The following SGCZ variants were observed in gnomAD, a reference collection of about 807,000 sequenced individuals.
SGCZ encodes zeta-sarcoglycan.
In SGCZ, 40 loss-of-function variants were observed where a neutral mutation model predicts 41.3. That is an observed-to-expected ratio of 0.97 (90% CI 0.75 to 1.26). The LOEUF (loss-of-function observed/expected upper bound fraction) is 1.26, where lower values mean the gene tolerates loss of function less well. Among genes scored for constraint, SGCZ ranks in the 50% most tolerant of loss-of-function variants. SGCZ has a pLI of 0.00. For missense variants in SGCZ, 552 were observed against 369.8 expected, an observed-to-expected ratio of 1.49 and a Z score of -4.04; for synonymous variants, 206 against 137.5, an observed-to-expected ratio of 1.50 and a Z score of -3.49.
intron 1 of SGCZ, among the ~76,000 whole-genome samples, chr8:14,663,830 T>A (rs1807827677): frequency 6.6e-6 from 1 of 152,122 alleles, no homozygotes; most frequent in African/African-American, 2.4e-5. Flanking sequence ...TCTCCTTTAA[T>A]CTAGTCACAT....
intron 1 of SGCZ, among the ~76,000 whole-genome samples, chr8:15,057,934 A>C (rs1364392314): frequency 6.6e-6 from 1 of 152,182 alleles, no homozygotes; most frequent in African/African-American, 2.4e-5. Flanking sequence ...TAGGTGGTGA[A>C]GATACTCTTG....
chr8:14,408,290 C>A (rs7840450), intron 2 of SGCZ, among the ~76,000 whole-genome samples: 18,428 of 152,060 alleles, frequency 0.12, 2,367 homozygotes, highest in African/African-American at 0.32. Context: ...TTGTTTAATC[C>A]ATTTTATGAC....
At chr8:14,115,354 CATT>C (rs1354822501) in intron 5 of SGCZ, among the ~76,000 whole-genome samples, 2 of 152,082 alleles carry the variant, frequency 1.3e-5, no homozygotes, top group South Asian at 2.1e-4. Context: ...TCATTATAAA[CATT>C]ATAATTTTAA....
At chr8:14,201,986 G>C (rs1490166149) in intron 4 of SGCZ, among the ~76,000 whole-genome samples, 1 of 152,124 alleles carries the variant, frequency 6.6e-6, no homozygotes, top group African/African-American at 2.4e-5. Context: ...ATAATATGCA[G>C]AATAATGAAA....
At chr8:14,947,452 C>T (rs537309295) in intron 1 of SGCZ, among the ~76,000 whole-genome samples, 14 of 152,270 alleles carry the variant, frequency 9.2e-5, no homozygotes, top group Admixed American at 8.5e-4. Flanking sequence ...CTCTACAAGA[C>T]ATAAAAGCGC....
intron 1 of SGCZ, among the ~76,000 whole-genome samples, chr8:14,942,153 G>A (rs2130821953): frequency 6.6e-6 from 1 of 151,984 alleles, no homozygotes; most frequent in South Asian, 2.1e-4. Flanking sequence ...TCCAGGATCT[G>A]GTACCACATC....
intron 1 of SGCZ, among the ~76,000 whole-genome samples, chr8:14,605,085 G>A (rs943522010): frequency 1.3e-5 from 2 of 152,056 alleles, no homozygotes; most frequent in African/African-American, 2.4e-5. Flanking sequence ...TTAATTTGGG[G>A]CTACATCCTG....
chr8:14,539,077 T>C (rs907196539), intron 2 of SGCZ, among the ~76,000 whole-genome samples: 3 of 151,998 alleles, frequency 2.0e-5, no homozygotes, highest in African/African-American at 7.2e-5. Context: ...TCTTCCATAA[T>C]ATGAGTGGGC....
intron 3 of SGCZ, among the ~76,000 whole-genome samples, chr8:14,302,906 T>C (rs1801243196): frequency 6.6e-6 from 1 of 152,202 alleles, no homozygotes; most frequent in Non-Finnish European, 1.5e-5. Flanking sequence ...AATTTTCTTT[T>C]CAATTTCATT....
chr8:14,278,940 A>G lies in SGCZ; in HGVS notation c.337-41261T>C, dbSNP rs141360792. On this transcript the variant is annotated intron_variant, in intron 3 of 7. Coordinates refer to ENST00000382080, the MANE Select transcript of SGCZ (RefSeq NM_139167.4). ...ATGGGAATTGCTTTTATAAATGCCT[A>G]CAAGGCCATGTATCTCTCTGAATAA... Among the ~76,000 whole-genome samples the G allele has an allele frequency of 9.8e-5, 15 of 152,286 alleles. No individual in the cohort carries two copies. The East Asian group carries it at 2.7e-3, about 27-fold the overall frequency.
chr8:14,265,177 A>T (rs1475421030), intron 3 of SGCZ, among the ~76,000 whole-genome samples: 2 of 152,192 alleles, frequency 1.3e-5, no homozygotes, highest in Non-Finnish European at 2.9e-5. Flanking sequence ...ATTTCAAAAT[A>T]GCTTTAAAAC....
chr8:14,256,946 A>G (rs527529440), intron 3 of SGCZ, among the ~76,000 whole-genome samples: 1 of 152,178 alleles, frequency 6.6e-6, no homozygotes, highest in African/African-American at 2.4e-5. Flanking sequence ...TAGAGTATTC[A>G]TTTGTTAATC....
chr8:14,255,044 G>A (rs576602017), intron 3 of SGCZ, among the ~76,000 whole-genome samples: 100 of 152,184 alleles, frequency 6.6e-4, no homozygotes, highest in African/African-American at 2.3e-3. Flanking sequence ...CATGGAGGTG[G>A]GTGGATGTCC....
chr8:14,339,385 C>T (rs1172142935), intron 2 of SGCZ, among the ~76,000 whole-genome samples: 1 of 152,122 alleles, frequency 6.6e-6, no homozygotes, highest in East Asian at 1.9e-4. Flanking sequence ...TGTTTAAATA[C>T]AGAAACATTG....
intron 1 of SGCZ, among the ~76,000 whole-genome samples, chr8:14,809,987 G>T (rs1018289533): frequency 6.6e-6 from 1 of 151,890 alleles, no homozygotes; most frequent in Non-Finnish European, 1.5e-5. Flanking sequence ...AACTCAAGCT[G>T]GCATATACAT....
chr8:14,429,765 T>C (rs1799890630), intron 2 of SGCZ, among the ~76,000 whole-genome samples: 1 of 151,854 alleles, frequency 6.6e-6, no homozygotes, highest in Admixed American at 6.6e-5. Context: ...ATATTTACAT[T>C]TGTAAACAAA....
chr8:14,418,441 A>G lies in SGCZ; in HGVS notation c.235-94237T>C, dbSNP rs118076711. The stretch of plus-strand genomic sequence containing the variant: ...GTGAGAGAAACGGACTTCTGGTAGT[A>G]TGATTGTATTTGTCTTGCTGTCAGG... On this transcript the variant is annotated intron_variant, in intron 2 of 7. Coordinates refer to ENST00000382080, the MANE Select transcript of SGCZ (RefSeq NM_139167.4). 4.3e-3 allele frequency among the ~76,000 whole-genome samples: 660 copies of G among 152,086 alleles called. 4 individuals are homozygous for G. The highest frequency in any genetic ancestry group is 7.3e-3 in the Non-Finnish European group (499 of 67,904).
At chr8:14,650,795 T>A (rs912650429) in intron 1 of SGCZ, among the ~76,000 whole-genome samples, 1 of 152,060 alleles carries the variant, frequency 6.6e-6, no homozygotes, top group African/African-American at 2.4e-5. Context: ...GCTCGTTCAT[T>A]ATCACAGTAA....
chr8:14,910,364 C>A (rs1023773028), intron 1 of SGCZ, among the ~76,000 whole-genome samples: 2 of 151,820 alleles, frequency 1.3e-5, no homozygotes, highest in African/African-American at 4.8e-5. Flanking sequence ...ATAAGGACAC[C>A]AGGAAACAAC....
Sources: gnomAD v4.1 joint callset for allele counts (sites outside exome capture counted in the v4.1 genomes callset) on GRCh38, gnomAD v4.1.1 for gene constraint, MANE v1.5 for transcripts, NCBI Gene and HGNC (gene_info 2026-07-23, HGNC 2026-07-21) for gene names.